HIVEP3: variants seen among roughly 807,000 people sequenced by gnomAD.
HIVEP3 encodes transcription factor HIVEP3.
A neutral mutation model predicts 152.8 loss-of-function variants in HIVEP3; 49 were observed. That is an observed-to-expected ratio of 0.32 (90% confidence interval 0.26 to 0.41). HIVEP3 has a LOEUF of 0.41. Ranked by LOEUF, HIVEP3 falls within the 10% of genes least tolerant of loss-of-function variation. The pLI, the probability that HIVEP3 is intolerant of heterozygous loss-of-function variation, is 1.00. For synonymous variants in HIVEP3, 1,269 were observed against 1,289.0 expected, an observed-to-expected ratio of 0.98 and a Z score of 0.33; for missense variants, 2,790 against 3,103.3, an observed-to-expected ratio of 0.90 and a Z score of 2.40.
intron 5 of HIVEP3, among the ~76,000 whole-genome samples, chr1:41,547,848 G>A (rs541554016): frequency 6.6e-6 from 1 of 152,184 alleles, no homozygotes; most frequent in Non-Finnish European, 1.5e-5. Context: ...CACACTCCAC[G>A]GACACCTTCC....
chr1:41,969,340 T>A (rs1236542603), intron 1 of HIVEP3, among the ~76,000 whole-genome samples: 1 of 152,120 alleles, frequency 6.6e-6, no homozygotes, highest in Non-Finnish European at 1.5e-5. Flanking sequence ...CAAAACATCA[T>A]GATACTGGTA....
intron 1 of HIVEP3, among the ~76,000 whole-genome samples, chr1:41,795,010 C>A (rs1349205574): frequency 1.3e-5 from 2 of 152,186 alleles, no homozygotes; most frequent in Non-Finnish European, 2.9e-5. Context: ...TTACTATAAC[C>A]TCAAATGGAC....
intron 1 of HIVEP3, among the ~76,000 whole-genome samples, chr1:41,969,415 A>G (rs1383983236): frequency 6.6e-6 from 1 of 152,142 alleles, no homozygotes. Flanking sequence ...CACACCTACA[A>G]CCATCTGATC....
chr1:41,820,583 G>C (rs1642566716), intron 1 of HIVEP3, among the ~76,000 whole-genome samples: 1 of 152,058 alleles, frequency 6.6e-6, no homozygotes, highest in Admixed American at 6.6e-5. Context: ...GCTTTCTTTT[G>C]GTAGTGTATG....
intron 1 of HIVEP3, among the ~76,000 whole-genome samples, chr1:41,900,187 C>T (rs1241641650): frequency 3.3e-5 from 5 of 152,186 alleles, no homozygotes; most frequent in Non-Finnish European, 7.3e-5. Flanking sequence ...GTGCCTGTGC[C>T]GGCTTTACTC....
At chr1:41,764,204 G>A (rs886498066) in intron 1 of HIVEP3, among the ~76,000 whole-genome samples, 3 of 152,238 alleles carry the variant, frequency 2.0e-5, no homozygotes, top group African/African-American at 7.2e-5. Context: ...GGGAGCCAAT[G>A]AGGATTGCTT....
At chr1:41,688,772 C>G (rs1646150136) in intron 2 of HIVEP3, among the ~76,000 whole-genome samples, 1 of 152,170 alleles carries the variant, frequency 6.6e-6, no homozygotes. Context: ...GCCTCCTCCT[C>G]GGCACCATGC....
intron 5 of HIVEP3, among the ~76,000 whole-genome samples, chr1:41,531,040 G>T (rs1440292184): frequency 6.6e-6 from 1 of 151,754 alleles, no homozygotes; most frequent in Non-Finnish European, 1.5e-5. Flanking sequence ...GGACAGGAGA[G>T]ATGGAGAATG....
intron 5 of HIVEP3, among the ~76,000 whole-genome samples, chr1:41,534,005 C>A (rs1194260830): frequency 6.6e-6 from 1 of 152,092 alleles, no homozygotes; most frequent in African/African-American, 2.4e-5. Context: ...GGGCTTCATC[C>A]TTGATGGCTC....
intron 1 of HIVEP3, among the ~76,000 whole-genome samples, chr1:41,916,661 CAT>C (rs1348648505): frequency 1.1e-4 from 16 of 152,184 alleles, no homozygotes; most frequent in African/African-American, 2.7e-4. Context: ...CTTTAAAGAG[CAT>C]ATGTCAAACA....
At chr1:41,545,355 GCCACCATCACCACCACCACCACTACCA>G in intron 5 of HIVEP3, among the ~76,000 whole-genome samples, 1 of 24,686 alleles carries the variant, frequency 4.1e-5, no homozygotes, top group Admixed American at 4.6e-4. Flanking sequence ...CACCATCATC[GCCACCATCACCACCACCACCACTACCA>G]CCACCACCAA....
Position 41,582,469 on chromosome 1 carries a change from T to C in HIVEP3, c.2329A>G (p.Thr777Ala). 11 of 1,613,472 alleles carry C rather than the reference T, an allele frequency of 6.8e-6. No homozygotes were observed. The highest frequency in any genetic ancestry group is 9.3e-6 in the Non-Finnish European group (11 of 1,179,500). The stretch of plus-strand genomic sequence containing the variant: ...TCTGAACCGGACCCTGGCTTGGGAG[T>C]CCTTGGCTGGAAGCCCGTGGGTCCC... ...LEGPTGFQPR[T>A]PKPGSGSESG... The change falls in exon 4 of 9, where the codon ACT (threonine) becomes GCT (alanine). Residue 777 changes from threonine (T) to alanine (A), a missense_variant. By Grantham distance (58) the Thr-to-Ala change is moderately conservative. This residue lies in a region of HIVEP3 where 339 missense variants were observed against 327.0 expected (regional missense o/e 1.04). Coordinates refer to ENST00000372583, the MANE Select transcript of HIVEP3 (RefSeq NM_024503.5). The surrounding 1 kb of genome is among the most constrained non-coding windows in gnomAD (Gnocchi z 4.7).
intron 1 of HIVEP3, among the ~76,000 whole-genome samples, chr1:42,006,754 A>AAC (rs1645461626): frequency 6.6e-6 from 1 of 152,174 alleles, no homozygotes; most frequent in Non-Finnish European, 1.5e-5. Flanking sequence ...TGAAAATGGA[A>AAC]AAGGCAAATT....
rs760165868 is a variant in HIVEP3 at position 41,584,129 on chromosome 1, G to C, written c.669C>G (p.Gly223=). The C allele has an allele frequency of 6.2e-7, 1 of 1,614,144 alleles. No homozygotes were observed. Among genetic ancestry groups the C allele is most frequent in the Non-Finnish European group, 8.5e-7 (1 of 1,180,034 alleles). ...SHTGERPYPC[G]PCGFSFKTKS... Reference sequence around the variant, plus strand: ...TGGTCTTGAAGGAGAAGCCACAGGGGCCGCAGGGGTAGGGCCTCTCACCTG... The same window carrying C: ...TGGTCTTGAAGGAGAAGCCACAGGGCCCGCAGGGGTAGGGCCTCTCACCTG... Residue 223 remains glycine, a synonymous_variant, in exon 4 of 9, where the codon GGC becomes GGG. Transcript: ENST00000372583. The surrounding 1 kb of genome is among the most constrained non-coding windows in gnomAD (Gnocchi z 5.2).
At chr1:41,588,753 G>A (rs1487308593) in intron 3 of HIVEP3, among the ~76,000 whole-genome samples, 1 of 152,176 alleles carries the variant, frequency 6.6e-6, no homozygotes, top group African/African-American at 2.4e-5. Context: ...GTGAGCTGGA[G>A]GGGCCACCCT....
intron 1 of HIVEP3, among the ~76,000 whole-genome samples, chr1:41,999,200 C>CT (rs1162610784): frequency 6.6e-6 from 1 of 151,932 alleles, no homozygotes; most frequent in African/African-American, 2.4e-5. Context: ...AGCCATAATA[C>CT]TTTTTTCTAA....
intron 1 of HIVEP3, among the ~76,000 whole-genome samples, chr1:41,874,383 A>G (rs1644131905): frequency 6.6e-6 from 1 of 152,210 alleles, no homozygotes; most frequent in South Asian, 2.1e-4. Context: ...AGTTAGGCTT[A>G]GCTGGCTAGC....
intron 3 of HIVEP3, among the ~76,000 whole-genome samples, chr1:41,609,944 G>A (rs186094549): frequency 1.3e-5 from 2 of 152,362 alleles, no homozygotes; most frequent in East Asian, 3.9e-4. Context: ...TCTGAGTAAA[G>A]CAGACCGCTT....
chr1:41,995,045 A>G (rs943412443), intron 1 of HIVEP3, among the ~76,000 whole-genome samples: 5 of 152,216 alleles, frequency 3.3e-5, no homozygotes, highest in African/African-American at 1.2e-4. Flanking sequence ...AAAGTCCAAC[A>G]TACGTTTTAT....
Sources: allele counts gnomAD v4.1 joint callset (sites outside exome capture counted in the v4.1 genomes callset), GRCh38; gene constraint gnomAD v4.1.1; regional missense constraint gnomAD v4.1.1; non-coding constraint Gnocchi (gnomAD v3.1); transcripts MANE v1.5; gene names NCBI Gene and HGNC (gene_info 2026-07-23, HGNC 2026-07-21).